Variants in CNN3 observed in about 807,000 individuals in gnomAD.
CNN3 encodes the protein calponin 3, also known as calponin-3.
Under a neutral mutation model 39.0 loss-of-function variants are expected in CNN3, and 11 were observed. The ratio of observed to expected loss-of-function variants is 0.28; its 90% CI spans 0.18 to 0.47. CNN3 has a LOEUF of 0.47. Among genes scored for constraint, CNN3 ranks in the 20% least tolerant of loss-of-function variants. The pLI, the probability that CNN3 is intolerant of heterozygous loss-of-function variation, is 0.99. For missense variants in CNN3, 266 were observed against 403.4 expected (o/e 0.66, Z 2.92); for synonymous variants, 101 against 138.3 (o/e 0.73, Z 1.89).
At chr1:94,901,356 A>T (rs947705240) in intron 5 of CNN3, among the ~76,000 whole-genome samples, 7 of 151,766 alleles carry the variant, frequency 4.6e-5, no homozygotes, top group Non-Finnish European at 8.8e-5. Flanking sequence ...TCTGTCTCAA[A>T]AAAAAAAAGA....
At chr1:94,912,867 A>G (rs1396928579) in intron 1 of CNN3, among the ~76,000 whole-genome samples, 2 of 152,178 alleles carry the variant, frequency 1.3e-5, no homozygotes, top group African/African-American at 4.8e-5. Flanking sequence ...CCTTATGTCT[A>G]GCGCACTCCT....
At chr1:94,924,626 A>G (rs184866474) in intron 1 of CNN3, among the ~76,000 whole-genome samples, 7 of 152,314 alleles carry the variant, frequency 4.6e-5, no homozygotes, top group African/African-American at 1.7e-4. Context: ...CCGTCTCAAA[A>G]AAGAAAGAAA....
chr1:94,914,334 T>C (rs193128548), intron 1 of CNN3, among the ~76,000 whole-genome samples: 2 of 152,272 alleles, frequency 1.3e-5, no homozygotes, highest in African/African-American at 2.4e-5. Context: ...GCCCGCTCCA[T>C]AGGACAAGCC....
chr1:94,904,591 A>T (rs1452675925), intron 1 of CNN3, among the ~76,000 whole-genome samples: 1 of 152,110 alleles, frequency 6.6e-6, no homozygotes, highest in African/African-American at 2.4e-5. Context: ...TACTAAAAAT[A>T]AAAAATTCAG....
At position 94,897,957 on chromosome 1, in the gene CNN3, T is replaced by C. The variant is rs1670766331; in HGVS notation, c.775A>G (p.Ser259Gly). The C allele has an allele frequency of 6.2e-7, 1 of 1,614,132 alleles. No homozygotes were observed. Among genetic ancestry groups the C allele is most frequent in the Non-Finnish European group, 8.5e-7 (1 of 1,179,996 alleles). Residue 259 changes from serine (S) to glycine (G), a missense_variant, in exon 7 of 7, where the codon AGT (serine) becomes GGT (glycine). Transcript: ENST00000370206. ...ACTTGCCGCCCAAGCCCATACACACTCATTCCTTTCTGGGAAGCAACTTTG... is the reference window on the plus strand; with the variant it reads ...ACTTGCCGCCCAAGCCCATACACACCCATTCCTTTCTGGGAAGCAACTTTG... ...TNKVASQKGMSVYGLGRQVYD... is the reference protein window; with the variant it reads ...TNKVASQKGMGVYGLGRQVYD...
intron 1 of CNN3, among the ~76,000 whole-genome samples, chr1:94,907,134 G>A (rs1003770284): frequency 4.6e-5 from 7 of 152,134 alleles, no homozygotes; most frequent in Admixed American, 1.3e-4. Context: ...ATATGACCAC[G>A]TGCACAGAAG....
intron 1 of CNN3, among the ~76,000 whole-genome samples, chr1:94,907,804 G>A (rs1671047854): frequency 6.6e-6 from 1 of 152,226 alleles, no homozygotes; most frequent in Non-Finnish European, 1.5e-5. Flanking sequence ...GGCTTGCAGT[G>A]AGCTGAGATG....
intron 1 of CNN3, among the ~76,000 whole-genome samples, chr1:94,916,367 C>A (rs965446640): frequency 2.0e-5 from 3 of 152,078 alleles, no homozygotes; most frequent in Non-Finnish European, 4.4e-5. Flanking sequence ...GATCATGCCA[C>A]TGCACTCCAG....
intron 1 of CNN3, among the ~76,000 whole-genome samples, chr1:94,922,052 T>G (rs143708225): frequency 1.3e-5 from 2 of 152,136 alleles, no homozygotes; most frequent in Non-Finnish European, 2.9e-5. Flanking sequence ...AATATCTATC[T>G]TAAGAAATAA....
rs1557907795 is a variant in CNN3 at position 94,901,401 on chromosome 1, T to TA, written c.501+267_501+268insT. On this transcript the variant is annotated intron_variant, in intron 5 of 6. Transcript: ENST00000370206. Reference sequence around the variant, plus strand: ...AAATTTAAAAGTGTATTTTTCTTTTTTAAAAAAAAAAAAAAGACAATATGA... The same window carrying TA: ...AAATTTAAAAGTGTATTTTTCTTTTTATAAAAAAAAAAAAAAGACAATATGA... Among the ~76,000 whole-genome samples the TA allele has an allele frequency of 8.8e-4, 130 of 147,156 alleles. 2 individuals are homozygous for TA. Among genetic ancestry groups the TA allele is most frequent in the Admixed American group, 2.0e-3 (29 of 14,834 alleles).
In CNN3 at chr1:94,899,349, C is replaced by T. The variant is rs772881390; in HGVS notation, c.648+22G>A. On this transcript the variant is annotated intron_variant, in intron 6 of 6. Coordinates refer to ENST00000370206, the MANE Select transcript of CNN3 (RefSeq NM_001839.5). ...AATAAGGTAAGTGTACTCTTGTACA[C>T]GTATAAAAAGGTATTGCTTACCTGG... The T allele has an allele frequency of 3.2e-5, 52 of 1,610,280 alleles. No individual in the cohort carries two copies. In the East Asian group the frequency reaches 9.4e-4, roughly 29 times the overall value.
chr1:94,897,638 G>T lies in CNN3; in HGVS notation c.*104C>A. The stretch of plus-strand genomic sequence containing the variant: ...GCAATTTTTCTTAAAAGTACAATAA[G>T]CTTAATAGTGTTTTAGGAAGACAAG... On this transcript the variant is annotated 3_prime_UTR_variant, in exon 7 of 7. Transcript: ENST00000370206. 3 of 1,082,032 alleles carry T rather than the reference G, an allele frequency of 2.8e-6. No individual in the cohort carries two copies. The highest frequency in any genetic ancestry group is 2.7e-6 in the Non-Finnish European group (2 of 746,978). 67.0% of individuals were successfully genotyped at this position (1,082,032 alleles called of 1,614,324 possible).
intron 3 of CNN3, 113 bp downstream of exon 3, chr1:94,903,009 T>C (rs886879802): frequency 9.3e-6 from 7 of 755,862 alleles, no homozygotes; most frequent in Non-Finnish European, 1.4e-5. Context: ...AAAACCGTAA[T>C]CAAAAAGTTA....
chr1:94,909,788 G>T (rs953372585), intron 1 of CNN3, among the ~76,000 whole-genome samples: 2 of 151,838 alleles, frequency 1.3e-5, no homozygotes, highest in Non-Finnish European at 2.9e-5. Context: ...CTCCACAGCT[G>T]ACCCAAAAGC....
intron 1 of CNN3, among the ~76,000 whole-genome samples, chr1:94,913,850 A>G (rs1671222035): frequency 1.3e-5 from 2 of 152,176 alleles, no homozygotes; most frequent in East Asian, 1.9e-4. Context: ...ACAGGCATGG[A>G]AAAATATCAT....
rs1670871412 is a variant in CNN3 at position 94,901,655 on chromosome 1, A to G, written c.501+14T>C. ...TTGAATAAGTAATTGAATAAGCAACACCACATTACTTACCTGCAGACCAAT... is the reference window on the plus strand; with the variant it reads ...TTGAATAAGTAATTGAATAAGCAACGCCACATTACTTACCTGCAGACCAAT... On this transcript the variant is annotated intron_variant, in intron 5 of 6. Coordinates refer to ENST00000370206, the MANE Select transcript of CNN3 (RefSeq NM_001839.5). 1.9e-6 allele frequency: 3 copies of G among 1,543,582 alleles called. No homozygotes were observed. The African/African-American group carries it at 4.1e-5, about 21-fold the overall frequency.
chr1:94,908,752 G>T (rs1175501652), intron 1 of CNN3, among the ~76,000 whole-genome samples: 1 of 152,072 alleles, frequency 6.6e-6, no homozygotes. Context: ...TGTTGGTCAG[G>T]CTGGTCTTGA....
At chr1:94,905,143 A>C (rs552484637) in intron 1 of CNN3, among the ~76,000 whole-genome samples, 18 of 152,300 alleles carry the variant, frequency 1.2e-4, no homozygotes, top group Non-Finnish European at 1.6e-4. Context: ...GATCACCAGG[A>C]TCAGGACAGA....
At chr1:94,921,239 AC>A (rs1428869064) in intron 1 of CNN3, among the ~76,000 whole-genome samples, 2 of 152,158 alleles carry the variant, frequency 1.3e-5, no homozygotes, top group Non-Finnish European at 2.9e-5. Flanking sequence ...TACTAAGAAT[AC>A]AAAAATTAGT....
Sources: gnomAD v4.1 joint callset for allele counts (sites outside exome capture counted in the v4.1 genomes callset) on GRCh38, gnomAD v4.1.1 for gene constraint, MANE v1.5 for transcripts, NCBI Gene and HGNC (gene_info 2026-07-23, HGNC 2026-07-21) for gene names.